Variants in PALLD observed in about 807,000 individuals in gnomAD.
The protein encoded by PALLD is palladin, cytoskeletal associated protein.
PALLD carries 61 observed loss-of-function variants against 123.5 expected under a neutral mutation model. That is an observed-to-expected ratio of 0.49 (90% CI 0.40 to 0.61). The LOEUF (loss-of-function observed/expected upper bound fraction) is 0.61, where lower values mean the gene tolerates loss of function less well. Ranked by LOEUF, PALLD falls within the 20% of genes least tolerant of loss-of-function variation. The probability of loss-of-function intolerance (pLI) is 0.00; values close to 1 mark genes in which losing one functional copy is unlikely to be tolerated. For missense variants in PALLD, 1,273 were observed against 1,377.0 expected, an observed-to-expected ratio of 0.92 and a Z score of 1.20; for synonymous variants, 465 against 496.4, an observed-to-expected ratio of 0.94 and a Z score of 0.84.
At chr4:168,889,166 GGT>G (rs1753800155) in intron 10 of PALLD, among the ~76,000 whole-genome samples, 6 of 137,922 alleles carry the variant, frequency 4.4e-5, no homozygotes, top group African/African-American at 1.7e-4. Context: ...GTGTGTGTGT[GGT>G]TTTTTTTTTT....
chr4:168,905,170 A>T (rs1302469414), intron 15 of PALLD, among the ~76,000 whole-genome samples: 5 of 13,116 alleles, frequency 3.8e-4, no homozygotes, highest in East Asian at 5.4e-3. Flanking sequence ...TTTTTTTTTG[A>T]GATGGAATCT....
intron 19 of PALLD, 117 bp downstream of exon 19, chr4:168,924,537 T>G (rs912169512): frequency 3.8e-6 from 4 of 1,052,172 alleles, no homozygotes; most frequent in African/African-American, 1.6e-5. Flanking sequence ...TGTTTTGATT[T>G]TTGATGAAAT....
chr4:168,813,112 G>GC (rs1002085462), intron 10 of PALLD, among the ~76,000 whole-genome samples: 5 of 151,388 alleles, frequency 3.3e-5, no homozygotes, highest in African/African-American at 9.7e-5. Flanking sequence ...TTTTGGGGGG[G>GC]GCGGAAATGA....
intron 10 of PALLD, among the ~76,000 whole-genome samples, chr4:168,771,078 A>AAC (rs1561505120): frequency 6.9e-5 from 9 of 130,824 alleles, no homozygotes; most frequent in Non-Finnish European, 1.4e-4. Context: ...AAAAAAAACA[A>AAC]AAAAAAAACC....
intron 8 of PALLD, among the ~76,000 whole-genome samples, chr4:168,704,759 T>C (rs1189709001): frequency 6.7e-6 from 1 of 149,810 alleles, no homozygotes; most frequent in African/African-American, 2.5e-5. Flanking sequence ...ATCTTAAGAA[T>C]AAAGAAAAAG....
At chr4:168,808,951 G>C (rs930613314) in intron 10 of PALLD, among the ~76,000 whole-genome samples, 2 of 152,206 alleles carry the variant, frequency 1.3e-5, no homozygotes, top group Admixed American at 1.3e-4. Context: ...GCAGGCCAGG[G>C]ATTTTAAGCA....
intron 2 of PALLD, among the ~76,000 whole-genome samples, chr4:168,570,303 G>A (rs908555309): frequency 2.0e-5 from 3 of 152,116 alleles, no homozygotes; most frequent in Non-Finnish European, 2.9e-5. Context: ...TAGCCCAGAA[G>A]AAAATTCCCA....
At chr4:168,673,383 C>T (rs1488698132) in intron 3 of PALLD, among the ~76,000 whole-genome samples, 2 of 151,896 alleles carry the variant, frequency 1.3e-5, no homozygotes, top group African/African-American at 4.8e-5. Flanking sequence ...AAGAGTGCTC[C>T]GGACCAAGGG....
At chr4:168,813,107 G>C (rs898668844) in intron 10 of PALLD, among the ~76,000 whole-genome samples, 34 of 151,698 alleles carry the variant, frequency 2.2e-4, no homozygotes, top group African/African-American at 4.6e-4. Context: ...CGTACTTTTG[G>C]GGGGGGCGGA....
chr4:168,668,088 A>T (rs1451324586), intron 2 of PALLD, 102 bp from the exon 3 acceptor site: 8 of 910,062 alleles, frequency 8.8e-6, no homozygotes, highest in African/African-American at 1.6e-5. Flanking sequence ...TCAAACAAAC[A>T]TCATTTTGCA....
chr4:168,760,275 G>T (rs954156784), intron 10 of PALLD, among the ~76,000 whole-genome samples: 4 of 151,872 alleles, frequency 2.6e-5, no homozygotes, highest in Non-Finnish European at 5.9e-5. Flanking sequence ...AGCCACAGGA[G>T]CGTTTGTGAA....
At chr4:168,707,636 C>T (rs1212784608) in intron 8 of PALLD, among the ~76,000 whole-genome samples, 2 of 152,128 alleles carry the variant, frequency 1.3e-5, no homozygotes, top group Admixed American at 6.5e-5. Context: ...ACAGGGCCAG[C>T]CCAGGTTCAA....
In PALLD at chr4:168,916,013, A is replaced by G. The variant is rs1560916881; in HGVS notation, c.2836A>G (p.Arg946Gly). 1 of 1,613,956 alleles carries G rather than the reference A, an allele frequency of 6.2e-7. No individual in the cohort carries two copies. Among genetic ancestry groups the G allele is most frequent in the Non-Finnish European group, 8.5e-7 (1 of 1,179,888 alleles). The change falls in exon 17 of 22, where the codon AGA (arginine) becomes GGA (glycine). Residue 946 changes from arginine (R) to glycine (G), a missense_variant. Coordinates refer to ENST00000505667, the MANE Select transcript of PALLD (RefSeq NM_001166108.2). The part of the protein sequence containing the change: ...DLTVQEGKLC[R>G]MDCKVSGLPT... Reference sequence around the variant, plus strand: ...GACTGTTCAAGAAGGAAAACTCTGCAGAATGGACTGCAAAGTAAGATTTTG... The same window carrying G: ...GACTGTTCAAGAAGGAAAACTCTGCGGAATGGACTGCAAAGTAAGATTTTG...
chr4:168,879,392 C>A (rs1319167908), intron 10 of PALLD, among the ~76,000 whole-genome samples: 1 of 152,116 alleles, frequency 6.6e-6, no homozygotes. Flanking sequence ...AGGAAGTGCT[C>A]ACAAAGGTTA....
intron 11 of PALLD, among the ~76,000 whole-genome samples, chr4:168,892,298 TACAAG>T (rs956696841): frequency 6.6e-6 from 1 of 152,180 alleles, no homozygotes; most frequent in Non-Finnish European, 1.5e-5. Flanking sequence ...GGCTCTTAAG[TACAAG>T]ACAAGGATCT....
intron 2 of PALLD, among the ~76,000 whole-genome samples, chr4:168,514,472 G>C (rs562315151): frequency 8.5e-5 from 13 of 152,128 alleles, no homozygotes; most frequent in Admixed American, 2.0e-4. Context: ...GACAGCAGGG[G>C]GCAGTAAAAA....
chr4:168,605,080 A>G (rs1200604201), intron 2 of PALLD, among the ~76,000 whole-genome samples: 1 of 152,118 alleles, frequency 6.6e-6, no homozygotes, highest in Non-Finnish European at 1.5e-5. Context: ...TCTGGTGCAG[A>G]GTGTGATCAA....
intron 2 of PALLD, among the ~76,000 whole-genome samples, chr4:168,586,921 C>T (rs1235753015): frequency 2.0e-5 from 3 of 151,996 alleles, no homozygotes; most frequent in East Asian, 1.9e-4. Context: ...GGGTACCATG[C>T]GATAAGAGAG....
At chr4:168,744,170 G>A (rs1788632432) in intron 10 of PALLD, among the ~76,000 whole-genome samples, 2 of 150,396 alleles carry the variant, frequency 1.3e-5, no homozygotes, top group Non-Finnish European at 3.0e-5. Context: ...CCAAATAACC[G>A]AGGAGAGAGC....
Sources: allele counts gnomAD v4.1 joint callset (sites outside exome capture counted in the v4.1 genomes callset), GRCh38; gene constraint gnomAD v4.1.1; transcripts MANE v1.5; gene names NCBI Gene and HGNC (gene_info 2026-07-23, HGNC 2026-07-21).